Variants in SAMD5 observed in about 807,000 individuals in gnomAD.
SAMD5 encodes the protein sterile alpha motif domain containing 5.
Under a neutral mutation model 11.3 loss-of-function variants are expected in SAMD5, and 13 were observed. That is an observed-to-expected ratio of 1.15 (90% CI 0.75 to 1.83). The LOEUF (loss-of-function observed/expected upper bound fraction) is 1.83, where lower values mean the gene tolerates loss of function less well. Among genes scored for constraint, SAMD5 ranks in the 40% most tolerant of loss-of-function variants. The pLI is 0.00. For synonymous variants in SAMD5, 129 were observed against 111.3 expected (o/e 1.16, Z -1.00); for missense variants, 255 against 239.1 (o/e 1.07, Z -0.44).
chr6:147,817,642 C>T, the SAMD5 span, among the ~76,000 whole-genome samples: 3 of 152,172 alleles, frequency 2.0e-5, no homozygotes, highest in Non-Finnish European at 4.4e-5. Context: ...ACCCAGAAAA[C>T]AGTTGTTTGT....
chr6:147,888,727 A>G, the SAMD5 span, among the ~76,000 whole-genome samples: 1 of 152,022 alleles, frequency 6.6e-6, no homozygotes, highest in African/African-American at 2.4e-5. Context: ...TACTAAAAAC[A>G]CAAAAAAGTT....
chr6:147,947,735 G>C, the SAMD5 span, among the ~76,000 whole-genome samples: 1 of 152,164 alleles, frequency 6.6e-6, no homozygotes, highest in African/African-American at 2.4e-5. Context: ...CTGGAAAAGA[G>C]CCCAGGGGCT....
chr6:147,622,315 T>C (rs1789983187), intron 1 of SAMD5, among the ~76,000 whole-genome samples: 1 of 152,268 alleles, frequency 6.6e-6, no homozygotes, highest in South Asian at 2.1e-4. Context: ...AGATGCTATG[T>C]AAAGTCATTA....
rs3032052 is a variant in SAMD5, at chr6:147,583,818, A to AACACAC, written c.162+74451_162+74456dup. On this transcript the variant is annotated intron_variant, in intron 1 of 1. Coordinates refer to the SAMD5 transcript ENST00000566741. ...AAAAGGGAAAAAAGTGGAATTTTCAAACACACACACACACACACACACACA... is the reference window on the plus strand; with the variant it reads ...AAAAGGGAAAAAAGTGGAATTTTCAAACACACACACACACACACACACACACACACA... Among the ~76,000 whole-genome samples, 1,070 of 149,460 alleles carry AACACAC rather than the reference A, an allele frequency of 7.2e-3. 8 individuals carry two copies. The highest frequency in any genetic ancestry group is 0.012 in the East Asian group (63 of 5,070).
the SAMD5 span, among the ~76,000 whole-genome samples, chr6:147,831,823 T>C: frequency 1.7e-3 from 259 of 152,288 alleles, 2 homozygotes; most frequent in African/African-American, 5.8e-3. Flanking sequence ...TAAGGCCTCA[T>C]GCATTATGTA....
At chr6:147,721,371 A>C (rs529971455) in intron 1 of SAMD5, among the ~76,000 whole-genome samples, 6 of 151,862 alleles carry the variant, frequency 4.0e-5, no homozygotes, top group Non-Finnish European at 8.8e-5. Context: ...TTGTTTCCTG[A>C]CTTTTTAATG....
chr6:147,916,414 G>A, the SAMD5 span, among the ~76,000 whole-genome samples: 1 of 152,114 alleles, frequency 6.6e-6, no homozygotes, highest in Non-Finnish European at 1.5e-5. Flanking sequence ...TCCAGCACCT[G>A]TTGTTTCCTG....
chr6:147,598,855 A>G (rs1179663871), intron 1 of SAMD5, among the ~76,000 whole-genome samples: 1 of 152,200 alleles, frequency 6.6e-6, no homozygotes, highest in Non-Finnish European at 1.5e-5. Flanking sequence ...AGGAGAGAAG[A>G]AAAAACCTGG....
chr6:147,543,336 C>G lies in SAMD5; in HGVS notation c.460-21058C>G, dbSNP rs184328363. Among the ~76,000 whole-genome samples the G allele has an allele frequency of 4.8e-3, 738 of 152,308 alleles. 4 individuals carry two copies. The highest frequency in any genetic ancestry group is 9.7e-3 in the Admixed American group (148 of 15,300). On this transcript the variant is annotated intron_variant, in intron 1 of 1. Coordinates refer to ENST00000367474, the MANE Select transcript of SAMD5 (RefSeq NM_001030060.3). ...AAACAGAGCATTTTGTTAGATCTCT[C>G]ATTTCTTCCATTGCTAGAGAAAGTT... is the stretch of plus-strand genomic sequence containing the variant.
chr6:147,536,848 C>T (rs1468813042), intron 1 of SAMD5, among the ~76,000 whole-genome samples: 1 of 151,970 alleles, frequency 6.6e-6, no homozygotes, highest in Non-Finnish European at 1.5e-5. Flanking sequence ...AACCAAACAC[C>T]ATTCACTCTT....
chr6:147,718,589 A>G (rs1426630245), intron 1 of SAMD5, among the ~76,000 whole-genome samples: 2 of 152,212 alleles, frequency 1.3e-5, no homozygotes, highest in East Asian at 3.8e-4. Flanking sequence ...CCAAAGACAT[A>G]TAGAAACTTC....
At chr6:147,816,686 T>A in the SAMD5 span, among the ~76,000 whole-genome samples, 1 of 152,124 alleles carries the variant, frequency 6.6e-6, no homozygotes, top group Admixed American at 6.5e-5. Flanking sequence ...TTTTTTCCTG[T>A]AATAAATTTT....
the SAMD5 span, among the ~76,000 whole-genome samples, chr6:147,757,572 G>A: frequency 1.3e-5 from 2 of 152,232 alleles, no homozygotes; most frequent in East Asian, 1.9e-4. Flanking sequence ...ATCAGTTCTG[G>A]TACTTCAGTT....
chr6:147,659,622 C>A (rs1790619079), intron 1 of SAMD5, among the ~76,000 whole-genome samples: 1 of 152,104 alleles, frequency 6.6e-6, no homozygotes, highest in African/African-American at 2.4e-5. Context: ...CCAAAGTATA[C>A]AAGAATGAGT....
intron 1 of SAMD5, among the ~76,000 whole-genome samples, chr6:147,595,253 TAAG>T (rs1789511988): frequency 6.6e-6 from 1 of 152,200 alleles, no homozygotes; most frequent in Non-Finnish European, 1.5e-5. Flanking sequence ...ATGACAATAA[TAAG>T]CATTGCTTTA....
chr6:147,757,382 AAT>A, the SAMD5 span, among the ~76,000 whole-genome samples: 2 of 152,262 alleles, frequency 1.3e-5, no homozygotes, highest in East Asian at 1.9e-4. Context: ...TTGATCTAAG[AAT>A]GGACTGACAT....
At chr6:147,630,821 C>T (rs537540470) in intron 1 of SAMD5, among the ~76,000 whole-genome samples, 65 of 152,302 alleles carry the variant, frequency 4.3e-4, no homozygotes, top group Non-Finnish European at 8.7e-4. Flanking sequence ...ATTTCAATTC[C>T]TTTCCTTTTC....
At chr6:147,547,780 C>T (rs1788709350) in intron 1 of SAMD5, among the ~76,000 whole-genome samples, 1 of 152,176 alleles carries the variant, frequency 6.6e-6, no homozygotes, top group Non-Finnish European at 1.5e-5. Flanking sequence ...TGGGGTCATT[C>T]TTAGAAATCC....
At chr6:147,515,431 ACCATCCATCCATCCATCCAT>A (rs58973849) in intron 1 of SAMD5, among the ~76,000 whole-genome samples, 1 of 148,644 alleles carries the variant, frequency 6.7e-6, no homozygotes, top group African/African-American at 2.5e-5. Flanking sequence ...CTTCCATCCA[ACCATCCATCCATCCATCCAT>A]CCATCCATCC....
Sources: allele counts gnomAD v4.1 joint callset (sites outside exome capture counted in the v4.1 genomes callset), GRCh38; gene constraint gnomAD v4.1.1; transcripts MANE v1.5; gene names NCBI Gene and HGNC (gene_info 2026-07-23, HGNC 2026-07-21).